The following MVB12B variants were observed in gnomAD, a reference collection of about 807,000 sequenced individuals.
MVB12B encodes the protein ESCRT-I complex subunit MVB12B.
In MVB12B, 16 loss-of-function variants were observed where a neutral mutation model predicts 41.6. The observed-to-expected ratio is 0.38, with a 90% CI of 0.26 to 0.58. The LOEUF is 0.58. MVB12B is among the 20% of genes least tolerant of loss of function. The pLI, the probability that MVB12B is intolerant of heterozygous loss-of-function variation, is 0.62. For synonymous variants in MVB12B, 133 were observed against 139.7 expected (o/e 0.95, Z 0.34); for missense variants, 274 against 380.2 (o/e 0.72, Z 2.32).
rs3983803 is a variant in MVB12B at position 126,455,887 on chromosome 9, C to CTTT, written c.758-25463_758-25461dup. 1.7e-3 allele frequency among the ~76,000 whole-genome samples: 170 copies of CTTT among 103,004 alleles called. 2 individuals carry two copies. Among genetic ancestry groups the CTTT allele is most frequent in the African/African-American group, 2.8e-3 (70 of 25,138 alleles). 67.6% of individuals were successfully genotyped at this position (103,004 alleles called of 152,430 possible). On this transcript the variant is annotated intron_variant, in intron 7 of 9. Coordinates refer to ENST00000361171, the MANE Select transcript of MVB12B (RefSeq NM_033446.3). ...GATAGGTCGTTTTCTTTCTTTCTTTCTTTTTTTTTTTTTTTTTTTTTGAGA... is the reference window on the plus strand; with the variant it reads ...GATAGGTCGTTTTCTTTCTTTCTTTCTTTTTTTTTTTTTTTTTTTTTTTTGAGA...
chr9:126,384,593 A>G (rs1393031687), intron 3 of MVB12B, among the ~76,000 whole-genome samples: 1 of 152,086 alleles, frequency 6.6e-6, no homozygotes, highest in Non-Finnish European at 1.5e-5. Context: ...CAGTGGCACA[A>G]TCTCAGCTCA....
At chr9:126,410,757 T>A (rs938897172) in intron 6 of MVB12B, among the ~76,000 whole-genome samples, 2 of 152,100 alleles carry the variant, frequency 1.3e-5, no homozygotes, top group African/African-American at 4.8e-5. Context: ...TCGGGCCTCT[T>A]CTCCCCAGCC....
At position 126,367,226 on chromosome 9, in the gene MVB12B, T is replaced by C. The variant is rs2041544; in HGVS notation, c.205-13838T>C. Among the ~76,000 whole-genome samples, 124,935 of 152,032 alleles carry C rather than the reference T, an allele frequency of 0.82. 51,794 individuals carry two copies. The highest frequency in any genetic ancestry group is 0.91 in the South Asian group (4,366 of 4,814). Reference sequence around the variant, plus strand: ...AAGCGCCACTCTGAGAATTTCTCCTTCCTGCCCGGGGCTCTCCAGCCACGC... The same window carrying C: ...AAGCGCCACTCTGAGAATTTCTCCTCCCTGCCCGGGGCTCTCCAGCCACGC... On this transcript the variant is annotated intron_variant, in intron 2 of 9. Coordinates refer to ENST00000361171, the MANE Select transcript of MVB12B (RefSeq NM_033446.3). The surrounding 1 kb of genome is among the most constrained non-coding windows in gnomAD (Gnocchi z 4.3).
rs1833233841 is a variant in MVB12B, at chr9:126,468,054, A to C, written c.758-13315A>C. 6.6e-6 allele frequency among the ~76,000 whole-genome samples: 1 copy of C among 152,212 alleles called. No homozygotes were observed. Among genetic ancestry groups the C allele is most frequent in the Non-Finnish European group, 1.5e-5 (1 of 68,024 alleles). ...TGTATCTGTCTACAACTACATATTA[A>C]AACCGACTTTATAATGATACATCTG... On this transcript the variant is annotated intron_variant, in intron 7 of 9. Coordinates refer to ENST00000361171, the MANE Select transcript of MVB12B (RefSeq NM_033446.3). The surrounding 1 kb of genome is among the most constrained non-coding windows in gnomAD (Gnocchi z 4.3).
At chr9:126,495,786 C>T (rs1475959582) in intron 9 of MVB12B, among the ~76,000 whole-genome samples, 1 of 152,178 alleles carries the variant, frequency 6.6e-6, no homozygotes, top group Non-Finnish European at 1.5e-5. Flanking sequence ...GCATCCTATG[C>T]AAAGTCTTTC....
intron 9 of MVB12B, among the ~76,000 whole-genome samples, chr9:126,494,914 A>G (rs758969): frequency 0.27 from 39,823 of 149,378 alleles, 6,447 homozygotes; most frequent in African/African-American, 0.46. Flanking sequence ...CATTTAGGCC[A>G]GGCCCGGTGG....
rs1833498993 is a variant in MVB12B at position 126,480,210 on chromosome 9, C to T, written c.758-1159C>T. ...GCGGCCACCCCTGACTTCGGGGCTC[C>T]GCGTCCCTGCACTCATGACCAGGCC... On this transcript the variant is annotated intron_variant, in intron 7 of 9. Transcript: ENST00000361171. This position sits in a 1 kb window ranked among gnomAD's most constrained non-coding sequence, Gnocchi z 4.9. Among the ~76,000 whole-genome samples the T allele has an allele frequency of 6.6e-6, 1 of 152,192 alleles. No homozygotes were observed. Among genetic ancestry groups the T allele is most frequent in the Non-Finnish European group, 1.5e-5 (1 of 68,032 alleles).
intron 2 of MVB12B, among the ~76,000 whole-genome samples, chr9:126,365,458 G>A (rs1055825321): frequency 2.0e-5 from 3 of 151,222 alleles, no homozygotes; most frequent in Admixed American, 2.0e-4. Context: ...TCAGCCTCCC[G>A]AGTAGCTGGG....
At chr9:126,398,621 T>TG (rs1831184607) in intron 6 of MVB12B, among the ~76,000 whole-genome samples, 1 of 152,224 alleles carries the variant, frequency 6.6e-6, no homozygotes, top group Non-Finnish European at 1.5e-5. Flanking sequence ...GCGGTCTTTG[T>TG]GTGGCGTGGA....
At chr9:126,482,150 G>A (rs1025254122) in intron 8 of MVB12B, among the ~76,000 whole-genome samples, 1 of 151,796 alleles carries the variant, frequency 6.6e-6, no homozygotes, top group Non-Finnish European at 1.5e-5. Context: ...TCACTGCTAG[G>A]GTCAGCCCTC....
At chr9:126,497,392 C>T (rs2119234557) in intron 9 of MVB12B, among the ~76,000 whole-genome samples, 1 of 152,236 alleles carries the variant, frequency 6.6e-6, no homozygotes, top group South Asian at 2.1e-4. Context: ...CACCCCTCTG[C>T]CCACGCCCCG....
intron 7 of MVB12B, among the ~76,000 whole-genome samples, chr9:126,435,300 C>T (rs2041543): frequency 0.24 from 37,187 of 151,940 alleles, 5,416 homozygotes; most frequent in African/African-American, 0.4. Flanking sequence ...AAAGTCCAGC[C>T]GGGGATGGAG....
rs1014532726 is a variant in MVB12B at position 126,391,473 on chromosome 9, G to A, written c.410-593G>A. 6.6e-6 allele frequency among the ~76,000 whole-genome samples: 1 copy of A among 152,232 alleles called. No individual in the cohort carries two copies. The highest frequency in any genetic ancestry group is 1.5e-5 in the Non-Finnish European group (1 of 68,050). Reference sequence around the variant, plus strand: ...AATTCTGTTCGTTTTGTTAGGAATGGTGATGGCATGGTGGTCTTTAAAGAA... The same window carrying A: ...AATTCTGTTCGTTTTGTTAGGAATGATGATGGCATGGTGGTCTTTAAAGAA... On this transcript the variant is annotated intron_variant, in intron 4 of 9. Coordinates refer to ENST00000361171, the MANE Select transcript of MVB12B (RefSeq NM_033446.3). The surrounding 1 kb of genome is among the most constrained non-coding windows in gnomAD (Gnocchi z 4.4).
At chr9:126,455,177 TTTTTATTTTATTTTA>T (rs565045371) in intron 7 of MVB12B, among the ~76,000 whole-genome samples, 1 of 151,228 alleles carries the variant, frequency 6.6e-6, no homozygotes, top group African/African-American at 2.5e-5. Context: ...TTTATTTTAT[TTTTTATTTTATTTTA>T]TTTTATTTTA....
intron 9 of MVB12B, among the ~76,000 whole-genome samples, chr9:126,493,627 A>C (rs753966107): frequency 1.1e-4 from 16 of 152,244 alleles, no homozygotes; most frequent in Non-Finnish European, 2.1e-4. Flanking sequence ...ACAGAATAGT[A>C]ATCGGAATCT....
chr9:126,370,656 G>A (rs2118924227), intron 2 of MVB12B, among the ~76,000 whole-genome samples: 1 of 152,042 alleles, frequency 6.6e-6, no homozygotes, highest in East Asian at 1.9e-4. Flanking sequence ...TACTGGGATT[G>A]CAGGTGTGAG....
At chr9:126,353,736 A>G (rs1026825034) in intron 2 of MVB12B, among the ~76,000 whole-genome samples, 1 of 152,146 alleles carries the variant, frequency 6.6e-6, no homozygotes, top group Non-Finnish European at 1.5e-5. Context: ...CTATTCTTCT[A>G]CTGGTATGTT....
chr9:126,369,555 T>G (rs1453269344), intron 2 of MVB12B, among the ~76,000 whole-genome samples: 1 of 152,216 alleles, frequency 6.6e-6, no homozygotes. Context: ...GTGTTTTTCA[T>G]TCCTAGGTAT....
intron 1 of MVB12B, among the ~76,000 whole-genome samples, chr9:126,329,112 G>A (rs1829060282): frequency 6.6e-6 from 1 of 152,108 alleles, no homozygotes; most frequent in South Asian, 2.1e-4. Flanking sequence ...GGACAACCAG[G>A]AAGTGATGGT....
Sources: gnomAD v4.1 joint callset for allele counts (sites outside exome capture counted in the v4.1 genomes callset) on GRCh38, gnomAD v4.1.1 for gene constraint, Gnocchi (gnomAD v3.1) non-coding constraint, MANE v1.5 for transcripts, NCBI Gene and HGNC (gene_info 2026-07-23, HGNC 2026-07-21) for gene names.